PTPRN2: variants seen among roughly 807,000 people sequenced by gnomAD.
The protein encoded by PTPRN2 is receptor-type tyrosine-protein phosphatase N2.
PTPRN2 carries 74 observed loss-of-function variants against 118.8 expected under a neutral mutation model. The observed-to-expected ratio is 0.62, with a 90% CI of 0.52 to 0.76. The LOEUF (loss-of-function observed/expected upper bound fraction) is 0.76, where lower values mean the gene tolerates loss of function less well. Among genes scored for constraint, PTPRN2 ranks in the 30% least tolerant of loss-of-function variants. The probability of loss-of-function intolerance (pLI) is 0.00; values close to 1 mark genes in which losing one functional copy is unlikely to be tolerated. For synonymous variants in PTPRN2, 641 were observed against 608.0 expected (o/e 1.05, Z -0.80); for missense variants, 1,481 against 1,394.4 (o/e 1.06, Z -0.99).
At chr7:158,363,523 C>A (rs1809178210) in intron 2 of PTPRN2, among the ~76,000 whole-genome samples, 1 of 152,342 alleles carries the variant, frequency 6.6e-6, no homozygotes, top group Non-Finnish European at 1.5e-5. Flanking sequence ...TCCTGGTGAG[C>A]GCTTTCCTGA....
At chr7:158,256,859 T>C (rs1470255541) in intron 3 of PTPRN2, among the ~76,000 whole-genome samples, 1 of 152,180 alleles carries the variant, frequency 6.6e-6, no homozygotes, top group Non-Finnish European at 1.5e-5. Flanking sequence ...TGTGGAATAA[T>C]CAAATCTATC....
chr7:157,824,480 C>A (rs1023444993), intron 12 of PTPRN2, among the ~76,000 whole-genome samples: 1 of 152,214 alleles, frequency 6.6e-6, no homozygotes, highest in Non-Finnish European at 1.5e-5. Context: ...TTCTCTGTGC[C>A]TGCATGGCGT....
At chr7:158,419,603 T>C (rs1815082400) in intron 2 of PTPRN2, among the ~76,000 whole-genome samples, 1 of 152,032 alleles carries the variant, frequency 6.6e-6, no homozygotes, top group Admixed American at 6.6e-5. Context: ...CCTCCTTCCA[T>C]GTCACGCCAG....
rs922599517 is a variant in PTPRN2, at chr7:158,565,741, C to T, written c.112+21817G>A. 5.9e-5 allele frequency among the ~76,000 whole-genome samples: 9 copies of T among 152,212 alleles called. No individual in the cohort carries two copies. The highest frequency in any genetic ancestry group is 6.5e-5 in the Admixed American group (1 of 15,288). ...CCATCTCATGCAAGCCCCCCAGGAA[C>T]CCTGGAGGCAGGCACTGTTCCCGTA... On this transcript the variant is annotated intron_variant, in intron 1 of 22. Transcript: ENST00000389418. The surrounding 1 kb of genome is among the most constrained non-coding windows in gnomAD (Gnocchi z 4.6).
intron 3 of PTPRN2, among the ~76,000 whole-genome samples, chr7:158,256,699 G>C (rs1385899018): frequency 6.6e-6 from 1 of 152,046 alleles, no homozygotes; most frequent in Non-Finnish European, 1.5e-5. Context: ...CACTACCCTG[G>C]TGGCTTGAGA....
rs1824800363 is a variant in PTPRN2, at chr7:158,526,601, C to A, written c.113-36816G>T. Among the ~76,000 whole-genome samples the A allele has an allele frequency of 6.6e-6, 1 of 152,100 alleles. No homozygotes were observed. Among genetic ancestry groups the A allele is most frequent in the Non-Finnish European group, 1.5e-5 (1 of 68,022 alleles). ...AAAGTTCATACACTGAAGTCCTGACCCCCAGGACCTCAGAATGGGACTGTA... is the reference window on the plus strand; with the variant it reads ...AAAGTTCATACACTGAAGTCCTGACACCCAGGACCTCAGAATGGGACTGTA... On this transcript the variant is annotated intron_variant, in intron 1 of 22. Coordinates refer to ENST00000389418, the MANE Select transcript of PTPRN2 (RefSeq NM_002847.5). The surrounding 1 kb of genome is among the most constrained non-coding windows in gnomAD (Gnocchi z 5.2).
At chr7:157,608,765 G>A (rs1802155105) in intron 15 of PTPRN2, among the ~76,000 whole-genome samples, 1 of 152,168 alleles carries the variant, frequency 6.6e-6, no homozygotes, top group African/African-American at 2.4e-5. Flanking sequence ...GCCCTGGCCT[G>A]TGCTCGGGGA....
chr7:158,076,789 C>T (rs1396809558), intron 11 of PTPRN2, among the ~76,000 whole-genome samples: 1 of 152,220 alleles, frequency 6.6e-6, no homozygotes, highest in Non-Finnish European at 1.5e-5. Context: ...CCCGATGTGC[C>T]ATCCACTGCC....
rs1439934859 is a variant in PTPRN2, at chr7:157,787,484, C to A, written c.1789-104547G>T. On this transcript the variant is annotated intron_variant, in intron 12 of 22. Coordinates refer to ENST00000389418, the MANE Select transcript of PTPRN2 (RefSeq NM_002847.5). This position sits in a 1 kb window ranked among gnomAD's most constrained non-coding sequence, Gnocchi z 5.3. Reference sequence around the variant, plus strand: ...GCCTGGGTCACCCCAGTGGGCAGGGCGGGCAGGGGGCTTCCCCACAGTCTA... The same window carrying A: ...GCCTGGGTCACCCCAGTGGGCAGGGAGGGCAGGGGGCTTCCCCACAGTCTA... Among the ~76,000 whole-genome samples, 1 of 152,104 alleles carries A rather than the reference C, an allele frequency of 6.6e-6. No individual in the cohort carries two copies. The highest frequency in any genetic ancestry group is 6.5e-5 in the Admixed American group (1 of 15,280).
chr7:158,201,006 C>T (rs929620647), intron 4 of PTPRN2, among the ~76,000 whole-genome samples: 4 of 150,510 alleles, frequency 2.7e-5, no homozygotes, highest in Admixed American at 6.6e-5. Context: ...AGAAGAAAAT[C>T]TAAGAGATAA....
intron 13 of PTPRN2, among the ~76,000 whole-genome samples, chr7:157,673,526 A>G (rs1301430588): frequency 6.6e-6 from 1 of 150,386 alleles, no homozygotes; most frequent in African/African-American, 2.5e-5. Context: ...ATAAACCTGA[A>G]AAAATGGGAG....
intron 2 of PTPRN2, among the ~76,000 whole-genome samples, chr7:158,355,042 C>A (rs528196449): frequency 4.9e-4 from 71 of 144,730 alleles, no homozygotes; most frequent in African/African-American, 1.7e-3. Context: ...AAAAAAAAAT[C>A]TGTCACCCAA....
rs552016611 is a variant in PTPRN2 at position 157,678,349 on chromosome 7, A to C, written c.2001+4376T>G. ...ACCTCAGTAAAAGTCACTGTTTTCCAATTTAATTGTGAACATCCTACTTCT... is the reference window on the plus strand; with the variant it reads ...ACCTCAGTAAAAGTCACTGTTTTCCCATTTAATTGTGAACATCCTACTTCT... On this transcript the variant is annotated intron_variant, in intron 13 of 22. Coordinates refer to ENST00000389418, the MANE Select transcript of PTPRN2 (RefSeq NM_002847.5). 3.3e-3 allele frequency among the ~76,000 whole-genome samples: 503 copies of C among 152,340 alleles called. 4 individuals are homozygous for C. The highest frequency in any genetic ancestry group is 0.012 in the African/African-American group (484 of 41,584).
rs575703605 is a variant in PTPRN2 at position 157,655,342 on chromosome 7, C to T, written c.2196+1015G>A. Among the ~76,000 whole-genome samples, 7 of 152,326 alleles carry T rather than the reference C, an allele frequency of 4.6e-5. No individual in the cohort carries two copies. In the East Asian group the frequency reaches 1.2e-3, roughly 25 times the overall value. On this transcript the variant is annotated intron_variant, in intron 14 of 22. Coordinates refer to ENST00000389418, the MANE Select transcript of PTPRN2 (RefSeq NM_002847.5). Reference sequence around the variant, plus strand: ...AGACGTCAGCTGTTTGTCCCTGGAGCGTCAGCTGGGCCGGGAGGCCTCCAG... The same window carrying T: ...AGACGTCAGCTGTTTGTCCCTGGAGTGTCAGCTGGGCCGGGAGGCCTCCAG...
In PTPRN2 at chr7:158,402,222, C is replaced by T. The variant is rs558851121; in HGVS notation, c.164-85290G>A. 2.0e-5 allele frequency among the ~76,000 whole-genome samples: 3 copies of T among 152,272 alleles called. No homozygotes were observed. The East Asian group carries it at 5.8e-4, about 29-fold the overall frequency. The stretch of plus-strand genomic sequence containing the variant: ...ACATCTTGTGGGACTCAGGGACCAG[C>T]CAGACACAGGACCAGGGTATACAGG... On this transcript the variant is annotated intron_variant, in intron 2 of 22. Coordinates refer to ENST00000389418, the MANE Select transcript of PTPRN2 (RefSeq NM_002847.5).
intron 12 of PTPRN2, among the ~76,000 whole-genome samples, chr7:157,828,019 G>A (rs555253192): frequency 2.6e-5 from 4 of 152,314 alleles, no homozygotes; most frequent in East Asian, 1.9e-4. Flanking sequence ...AGCTCTGGGC[G>A]TCCCCACCGT....
chr7:158,379,897 C>A (rs563644117), intron 2 of PTPRN2, among the ~76,000 whole-genome samples: 6 of 152,260 alleles, frequency 3.9e-5, no homozygotes, highest in East Asian at 1.9e-4. Context: ...CAAAGAGGAG[C>A]AAAGTCACAT....
Position 158,508,394 on chromosome 7 carries a change from GGA to G in PTPRN2, c.113-18611_113-18610del, listed in dbSNP as rs563707104. On this transcript the variant is annotated intron_variant, in intron 1 of 22. Transcript: ENST00000389418. ...CACCTGTCCAAGCTGATTAGAACAA[GGA>G]GAGTCAGGAGTGAGGAGGATGCATG... Among the ~76,000 whole-genome samples, 237 of 152,322 alleles carry G rather than the reference GGA, an allele frequency of 1.6e-3. 3 individuals are homozygous for G. Among genetic ancestry groups the G allele is most frequent in the Admixed American group, 7.1e-3 (109 of 15,306 alleles).
chr7:158,287,853 A>T (rs1799863918), intron 3 of PTPRN2, among the ~76,000 whole-genome samples: 1 of 152,082 alleles, frequency 6.6e-6, no homozygotes, highest in Admixed American at 6.5e-5. Flanking sequence ...ATAGTTTAAG[A>T]CTGATGTTTC....
Sources: allele counts gnomAD v4.1 joint callset (sites outside exome capture counted in the v4.1 genomes callset), GRCh38; gene constraint gnomAD v4.1.1; non-coding constraint Gnocchi (gnomAD v3.1); transcripts MANE v1.5; gene names NCBI Gene and HGNC (gene_info 2026-07-23, HGNC 2026-07-21).